Variants in OSBPL10 observed in about 807,000 individuals in gnomAD.
The protein encoded by OSBPL10 is oxysterol-binding protein-related protein 10.
Under a neutral mutation model 81.7 loss-of-function variants are expected in OSBPL10, and 49 were observed. The ratio of observed to expected loss-of-function variants is 0.60; its 90% confidence interval spans 0.48 to 0.76. The LOEUF (loss-of-function observed/expected upper bound fraction) is 0.76, where lower values mean the gene tolerates loss of function less well. Among genes scored for constraint, OSBPL10 ranks in the 30% least tolerant of loss-of-function variants. OSBPL10 has a pLI of 0.00. For missense variants in OSBPL10, 923 were observed against 987.8 expected, an observed-to-expected ratio of 0.93 and a Z score of 0.88; for synonymous variants, 419 against 383.6, an observed-to-expected ratio of 1.09 and a Z score of -1.08.
intron 4 of OSBPL10, among the ~76,000 whole-genome samples, chr3:31,753,536 T>G (rs1034321824): frequency 6.6e-5 from 10 of 152,264 alleles, no homozygotes; most frequent in African/African-American, 2.2e-4. Context: ...CAGCTTACTG[T>G]CTGCCTTAAC....
intron 6 of OSBPL10, 158 bp downstream of exon 6, chr3:31,733,099 C>CA (rs1467243669): frequency 1.1e-6 from 1 of 928,604 alleles, no homozygotes; most frequent in Non-Finnish European, 1.6e-6. Context: ...AAGTGCCGGG[C>CA]ATGCACATAG....
At chr3:31,688,952 T>G (rs1700869861) in intron 7 of OSBPL10, among the ~76,000 whole-genome samples, 2 of 152,156 alleles carry the variant, frequency 1.3e-5, no homozygotes, top group African/African-American at 4.8e-5. Flanking sequence ...CTGGATGACC[T>G]CCAGGATGGG....
chr3:31,994,757 A>G (rs1699071825), intron 2 of OSBPL10, among the ~76,000 whole-genome samples: 1 of 152,228 alleles, frequency 6.6e-6, no homozygotes. Flanking sequence ...CTAGATATTC[A>G]TGTGTCTTAA....
At chr3:31,734,801 T>C (rs561732590) in intron 5 of OSBPL10, among the ~76,000 whole-genome samples, 138 of 152,292 alleles carry the variant, frequency 9.1e-4, no homozygotes, top group African/African-American at 3.2e-3. Flanking sequence ...GTAGATTCTG[T>C]TCTAAGTCTA....
chr3:31,861,068 A>G (rs1701046482), intron 3 of OSBPL10, among the ~76,000 whole-genome samples: 1 of 152,168 alleles, frequency 6.6e-6, no homozygotes, highest in South Asian at 2.1e-4. Context: ...AACCTACACT[A>G]TGGATAAAAA....
At chr3:32,008,539 T>C (rs1394999611) in intron 2 of OSBPL10, among the ~76,000 whole-genome samples, 2 of 148,890 alleles carry the variant, frequency 1.3e-5, no homozygotes, top group Non-Finnish European at 3.0e-5. Flanking sequence ...AAGACCAGCC[T>C]GGGCAACATG....
intron 1 of OSBPL10, among the ~76,000 whole-genome samples, chr3:32,076,855 G>A (rs1305850533): frequency 2.0e-5 from 3 of 152,052 alleles, no homozygotes; most frequent in Non-Finnish European, 2.9e-5. Flanking sequence ...GGGGCCACAA[G>A]GTCAGATGAG....
intron 5 of OSBPL10, 43 bp downstream of exon 5, chr3:31,747,867 T>G: frequency 6.4e-7 from 1 of 1,569,120 alleles, no homozygotes; most frequent in African/African-American, 1.4e-5. Context: ...AGACACAGTG[T>G]GTGTACTCAT....
intron 3 of OSBPL10, among the ~76,000 whole-genome samples, chr3:31,850,475 C>G (rs997280045): frequency 5.7e-4 from 87 of 152,280 alleles, no homozygotes; most frequent in African/African-American, 2.1e-3. Flanking sequence ...CATTTACATG[C>G]CCAGAATGGT....
At chr3:31,664,467 G>T in intron 10 of OSBPL10, 1 of 582,072 alleles carries the variant, frequency 1.7e-6, no homozygotes, top group Non-Finnish European at 3.1e-6. Context: ...CCTTTCTCAG[G>T]GCCCGGAGAT....
intron 1 of OSBPL10, among the ~76,000 whole-genome samples, chr3:31,938,890 A>G (rs1198911430): frequency 6.6e-6 from 1 of 151,936 alleles, no homozygotes; most frequent in African/African-American, 2.4e-5. Context: ...CTCACCTCCT[A>G]CTTTACAGAG....
At chr3:31,836,079 C>A (rs901603059) in intron 3 of OSBPL10, among the ~76,000 whole-genome samples, 2 of 152,170 alleles carry the variant, frequency 1.3e-5, no homozygotes, top group African/African-American at 4.8e-5. Context: ...ATTCTTAAAA[C>A]TGGGAAATTT....
At chr3:31,679,774 T>C (rs574831462) in intron 8 of OSBPL10, among the ~76,000 whole-genome samples, 1 of 152,132 alleles carries the variant, frequency 6.6e-6, no homozygotes, top group African/African-American at 2.4e-5. Flanking sequence ...ATAAACCTCA[T>C]AGCACGAGCC....
chr3:31,799,139 T>G (rs894332957), intron 4 of OSBPL10, among the ~76,000 whole-genome samples: 1 of 152,066 alleles, frequency 6.6e-6, no homozygotes, highest in African/African-American at 2.4e-5. Flanking sequence ...ATAAGACCCT[T>G]CCAGAACTAT....
upstream of OSBPL10, among the ~76,000 whole-genome samples, chr3:31,985,749 G>T (rs141474390): frequency 6.6e-6 from 1 of 152,346 alleles, no homozygotes; most frequent in African/African-American, 2.4e-5. Flanking sequence ...GTGGTCTGAT[G>T]TGTTGTACGT....
intron 1 of OSBPL10, among the ~76,000 whole-genome samples, chr3:31,928,863 A>T (rs1697157716): frequency 6.6e-6 from 1 of 152,128 alleles, no homozygotes. Context: ...AGGTGTTGAC[A>T]GGGAAAGACA....
At chr3:31,754,345 A>G (rs147208901) in intron 4 of OSBPL10, among the ~76,000 whole-genome samples, 4 of 152,210 alleles carry the variant, frequency 2.6e-5, no homozygotes, top group East Asian at 1.9e-4. Flanking sequence ...CCAAAAACAC[A>G]TTTCTCTCAG....
chr3:31,735,997 A>T (rs952204133), intron 5 of OSBPL10, among the ~76,000 whole-genome samples: 1 of 152,158 alleles, frequency 6.6e-6, no homozygotes, highest in Non-Finnish European at 1.5e-5. Flanking sequence ...TGTGCTGAAG[A>T]AATCGGAGAC....
upstream of OSBPL10, among the ~76,000 whole-genome samples, chr3:31,986,033 A>G (rs150116850): frequency 6.7e-3 from 1,021 of 152,264 alleles, 16 homozygotes; most frequent in African/African-American, 0.023. Flanking sequence ...TTGCTTTGCA[A>G]TGAATCCAGT....
Sources: gnomAD v4.1 joint callset for allele counts (sites outside exome capture counted in the v4.1 genomes callset) on GRCh38, gnomAD v4.1.1 for gene constraint, MANE v1.5 for transcripts, NCBI Gene and HGNC (gene_info 2026-07-23, HGNC 2026-07-21) for gene names.